Variants in CLEC2A observed in about 807,000 individuals in gnomAD.
The protein encoded by CLEC2A is keratinocyte-associated C-type lectin.
CLEC2A carries 19 observed loss-of-function variants against 18.6 expected under a neutral mutation model. That is an observed-to-expected ratio of 1.02 (90% CI 0.71 to 1.50). The LOEUF is 1.50. Ranked by LOEUF, CLEC2A falls within the 40% of genes most tolerant of loss-of-function variation. The probability of loss-of-function intolerance (pLI) is 0.00; values close to 1 mark genes in which losing one functional copy is unlikely to be tolerated. For synonymous variants in CLEC2A, 74 were observed against 64.0 expected, an observed-to-expected ratio of 1.16 and a Z score of -0.75; for missense variants, 190 against 207.9, an observed-to-expected ratio of 0.91 and a Z score of 0.53.
the CLEC2A span, among the ~76,000 whole-genome samples, chr12:9,878,537 T>A: frequency 6.6e-6 from 1 of 152,166 alleles, no homozygotes; most frequent in African/African-American, 2.4e-5. Flanking sequence ...GAACACTGAA[T>A]AAATCTATAG....
downstream of CLEC2A, among the ~76,000 whole-genome samples, chr12:9,910,912 T>C (rs985522557): frequency 3.3e-5 from 5 of 152,160 alleles, no homozygotes; most frequent in Non-Finnish European, 7.3e-5. Context: ...GCCCCTATGA[T>C]TGTTAGAAAC....
At chr12:9,894,095 CTT>C (rs1037677181), downstream of CLEC2A, among the ~76,000 whole-genome samples, 20 of 149,510 alleles carry the variant, frequency 1.3e-4, no homozygotes, top group Admixed American at 7.3e-4. Flanking sequence ...TCTTCTTTCT[CTT>C]TCTCTCTTTT....
intron 3 of CLEC2A, among the ~76,000 whole-genome samples, chr12:9,921,529 G>A (rs1233551781): frequency 1.3e-5 from 2 of 152,148 alleles, no homozygotes; most frequent in Non-Finnish European, 2.9e-5. Flanking sequence ...CAAGGCTACA[G>A]TGAGCTGAGA....
the CLEC2A span, among the ~76,000 whole-genome samples, chr12:9,878,648 G>A: frequency 2.0e-5 from 3 of 152,184 alleles, no homozygotes; most frequent in Admixed American, 6.5e-5. Flanking sequence ...GACCCATACT[G>A]AGAGAATTGG....
At chr12:9,915,473 C>A (rs1216228545) in intron 4 of CLEC2A, among the ~76,000 whole-genome samples, 3 of 151,870 alleles carry the variant, frequency 2.0e-5, no homozygotes, top group African/African-American at 4.8e-5. Context: ...CAAAGATAGA[C>A]TGGTTAAAAA....
the CLEC2A span, chr12:9,888,671 T>C: frequency 5.4e-6 from 5 of 933,286 alleles, no homozygotes; most frequent in East Asian, 1.0e-4. Flanking sequence ...TTTATTCTCA[T>C]GTACCTAGAT....
intron 1 of CLEC2A, 135 bp from the exon 2 acceptor site, chr12:9,926,478 G>T (rs555760056): frequency 3.2e-6 from 2 of 624,986 alleles, no homozygotes; most frequent in Non-Finnish European, 5.6e-6. Context: ...AATAACAAAG[G>T]ATAGCAAACC....
At chr12:9,924,164 G>C (rs1355545842) in intron 2 of CLEC2A, among the ~76,000 whole-genome samples, 5 of 151,960 alleles carry the variant, frequency 3.3e-5, no homozygotes, top group Admixed American at 2.0e-4. Flanking sequence ...ATACTGACTG[G>C]CCTGAGATGG....
At chr12:9,898,812 T>C (rs1862786627) in exon 5 of CLEC2A, 12 of 624,770 alleles carry the variant, frequency 1.9e-5, no homozygotes, top group Non-Finnish European at 3.3e-5. Flanking sequence ...ACTGCCGTTA[T>C]ATTAAGGATA....
chr12:9,885,899 C>T, the CLEC2A span, among the ~76,000 whole-genome samples: 1 of 151,942 alleles, frequency 6.6e-6, no homozygotes, highest in Admixed American at 6.6e-5. Context: ...TTCTGTTAAC[C>T]AGTAATTCTA....
At chr12:9,892,487 A>T in the CLEC2A span, among the ~76,000 whole-genome samples, 1 of 152,152 alleles carries the variant, frequency 6.6e-6, no homozygotes, top group Admixed American at 6.5e-5. Context: ...ATCAGAATTC[A>T]CAGGCTTTGT....
At chr12:9,926,744 G>A (rs1863279399) in intron 1 of CLEC2A, among the ~76,000 whole-genome samples, 1 of 152,128 alleles carries the variant, frequency 6.6e-6, no homozygotes, top group African/African-American at 2.4e-5. Context: ...AGGAAAGAAA[G>A]GAGTCATAAG....
downstream of CLEC2A, among the ~76,000 whole-genome samples, chr12:9,894,372 G>A (rs546653448): frequency 4.5e-4 from 69 of 151,942 alleles, no homozygotes; most frequent in Non-Finnish European, 9.1e-4. Flanking sequence ...TTGTAGAGAC[G>A]GGGTTTTGCC....
the CLEC2A span, chr12:9,881,691 C>A: frequency 2.7e-6 from 4 of 1,478,380 alleles, no homozygotes; most frequent in Non-Finnish European, 3.7e-6. Flanking sequence ...CCCATCACCG[C>A]ATTTAAAATT....
chr12:9,898,700 A>G (rs1862785399), exon 5 of CLEC2A: 2 of 481,796 alleles, frequency 4.2e-6, no homozygotes, highest in Admixed American at 6.2e-5. Flanking sequence ...TTTATTCTAC[A>G]TTATCAAAAT....
intron 4 of CLEC2A, among the ~76,000 whole-genome samples, chr12:9,915,246 T>A (rs1863052455): frequency 6.6e-6 from 1 of 152,178 alleles, no homozygotes; most frequent in Non-Finnish European, 1.5e-5. Flanking sequence ...GCTTATACAC[T>A]GCTGGTGGGA....
downstream of CLEC2A, among the ~76,000 whole-genome samples, chr12:9,894,189 T>C (rs1395382519): frequency 6.6e-6 from 1 of 150,766 alleles, no homozygotes; most frequent in Non-Finnish European, 1.5e-5. Context: ...CTTTCTTTCT[T>C]TCTTTTTTTT....
At chr12:9,908,223 G>T (rs1034583666) in intron 4 of CLEC2A, among the ~76,000 whole-genome samples, 8 of 152,120 alleles carry the variant, frequency 5.3e-5, no homozygotes, top group South Asian at 4.1e-4. Flanking sequence ...TTCTTCTCTT[G>T]ACCAGACATC....
At chr12:9,893,257 C>A in the CLEC2A span, 3 of 1,258,702 alleles carry the variant, frequency 2.4e-6, no homozygotes, top group South Asian at 3.1e-5. Flanking sequence ...GGTTTATTGT[C>A]GTTGCTTCTG....
Sources: allele counts gnomAD v4.1 joint callset (sites outside exome capture counted in the v4.1 genomes callset), GRCh38; gene constraint gnomAD v4.1.1; transcripts MANE v1.5; gene names NCBI Gene and HGNC (gene_info 2026-07-23, HGNC 2026-07-21).